The following GSK3B variants were observed in gnomAD, a reference collection of about 807,000 sequenced individuals.
The protein encoded by GSK3B is glycogen synthase kinase-3 beta.
In GSK3B, 15 loss-of-function variants were observed where a neutral mutation model predicts 56.4. The ratio of observed to expected loss-of-function variants is 0.27; its 90% CI spans 0.18 to 0.41. GSK3B has a LOEUF of 0.41. Ranked by LOEUF, GSK3B falls within the 10% of genes least tolerant of loss-of-function variation. The pLI is 1.00. For missense variants in GSK3B, 300 were observed against 513.4 expected (o/e 0.58, Z 4.02); for synonymous variants, 181 against 188.9 (o/e 0.96, Z 0.34).
At chr3:120,015,130 T>G (rs2057812424) in intron 1 of GSK3B, among the ~76,000 whole-genome samples, 1 of 152,242 alleles carries the variant, frequency 6.6e-6, no homozygotes, top group Non-Finnish European at 1.5e-5. Context: ...GACACTTGAA[T>G]AGCACAGGTT....
At chr3:119,879,107 T>A (rs560608324) in intron 7 of GSK3B, among the ~76,000 whole-genome samples, 1 of 152,218 alleles carries the variant, frequency 6.6e-6, no homozygotes, top group Non-Finnish European at 1.5e-5. Flanking sequence ...CACTCTGATA[T>A]AGGCATACAA....
At chr3:120,035,073 A>G (rs950284007) in intron 1 of GSK3B, among the ~76,000 whole-genome samples, 2 of 152,096 alleles carry the variant, frequency 1.3e-5, no homozygotes, top group Non-Finnish European at 2.9e-5. Flanking sequence ...AGCCTGGGCG[A>G]GAGAGTGAGA....
chr3:119,847,404 C>T (rs961938435), intron 9 of GSK3B, among the ~76,000 whole-genome samples: 3 of 152,104 alleles, frequency 2.0e-5, no homozygotes, highest in Non-Finnish European at 2.9e-5. Flanking sequence ...TGCTTGAACC[C>T]GCAAGGCAGA....
intron 1 of GSK3B, among the ~76,000 whole-genome samples, chr3:120,035,418 C>G (rs1449589917): frequency 1.3e-5 from 2 of 152,214 alleles, no homozygotes; most frequent in Non-Finnish European, 2.9e-5. Flanking sequence ...TTTGTTACTG[C>G]AACCCTCGGA....
chr3:120,089,761 C>T (rs1169826601), intron 1 of GSK3B, among the ~76,000 whole-genome samples: 5 of 151,980 alleles, frequency 3.3e-5, no homozygotes, highest in Admixed American at 1.3e-4. Flanking sequence ...ACAAACAGTC[C>T]CTTACTTTCC....
chr3:119,932,772 G>C (rs950478408), intron 3 of GSK3B, among the ~76,000 whole-genome samples: 3 of 152,090 alleles, frequency 2.0e-5, no homozygotes, highest in Non-Finnish European at 2.9e-5. Context: ...AACACAAATA[G>C]TACTTGGAAG....
At chr3:119,868,144 AAAAG>A (rs1468529510) in intron 8 of GSK3B, among the ~76,000 whole-genome samples, 2 of 152,112 alleles carry the variant, frequency 1.3e-5, no homozygotes, top group East Asian at 1.9e-4. Flanking sequence ...GAGGAAGGAA[AAAAG>A]AAAGAAAAGA....
At position 119,842,154 on chromosome 3, in the gene GSK3B, T is replaced by A. The variant is rs1247113132; in HGVS notation, c.1195+1101A>T. On this transcript the variant is annotated intron_variant, in intron 10 of 10. Coordinates refer to ENST00000264235, the MANE Select transcript of GSK3B (RefSeq NM_001146156.2). The stretch of plus-strand genomic sequence containing the variant: ...TATTATGTTTCTAACTTAAAACTTT[T>A]AAGTTTTAAAAGCATCCAGTCATTA... 2.0e-5 allele frequency among the ~76,000 whole-genome samples: 3 copies of A among 152,300 alleles called. No individual in the cohort carries two copies. The East Asian group carries it at 5.8e-4, about 29-fold the overall frequency.
chr3:120,004,569 A>G (rs1311502279), intron 1 of GSK3B, among the ~76,000 whole-genome samples: 3 of 152,206 alleles, frequency 2.0e-5, no homozygotes, highest in African/African-American at 7.2e-5. Flanking sequence ...AAGCATCCAG[A>G]GGAAGGATCA....
Position 119,853,536 on chromosome 3 carries a change from A to T in GSK3B, c.1096+9883T>A, listed in dbSNP as rs577202752. The stretch of plus-strand genomic sequence containing the variant: ...CAGTAGGGCCATTTTCACGACATTG[A>T]TTCCTCCTATCCATGAGCATGGAAT... On this transcript the variant is annotated intron_variant, in intron 9 of 10. Transcript: ENST00000264235. Among the ~76,000 whole-genome samples, 32 of 152,196 alleles carry T rather than the reference A, an allele frequency of 2.1e-4. No individual in the cohort carries two copies. In the South Asian group the frequency reaches 6.4e-3, roughly 31 times the overall value.
intron 2 of GSK3B, among the ~76,000 whole-genome samples, chr3:119,952,200 T>C (rs750574547): frequency 7.9e-5 from 12 of 152,034 alleles, no homozygotes; most frequent in African/African-American, 1.2e-4. Flanking sequence ...TGAAGATCAA[T>C]GAACCGGCCA....
At position 119,822,218 on chromosome 3, in the gene GSK3B, T is replaced by C. The variant is rs2055419845; in HGVS notation, c.*4570A>G. 1 of 180,844 alleles carries C rather than the reference T, an allele frequency of 5.5e-6. No individual in the cohort carries two copies. The highest frequency in any genetic ancestry group is 2.4e-5 in the African/African-American group (1 of 42,276). The allele number at this position is 180,844 out of a possible 1,614,324, so 11.2% of individuals were successfully genotyped here. A position where few individuals can be genotyped will look rare whatever the true frequency, so the allele number is the denominator to read the frequency against. ...GACAGATTTGCACAAGTGTTTGCAA[T>C]AGTTTGTATACAACCCACAGTCCTT... On this transcript the variant is annotated 3_prime_UTR_variant, in exon 11 of 11. Coordinates refer to ENST00000264235, the MANE Select transcript of GSK3B (RefSeq NM_001146156.2).
At chr3:120,002,753 T>C (rs1240836855) in intron 1 of GSK3B, among the ~76,000 whole-genome samples, 2 of 152,236 alleles carry the variant, frequency 1.3e-5, no homozygotes, top group African/African-American at 2.4e-5. Context: ...AGTCATTCTA[T>C]AGACCAGACA....
chr3:120,016,653 T>C (rs1250896503), intron 1 of GSK3B, among the ~76,000 whole-genome samples: 1 of 152,202 alleles, frequency 6.6e-6, no homozygotes, highest in Non-Finnish European at 1.5e-5. Flanking sequence ...CCACTCCAAT[T>C]TTTTCTTTGA....
intron 2 of GSK3B, among the ~76,000 whole-genome samples, chr3:119,980,358 A>AC (rs1041153750): frequency 6.8e-6 from 1 of 147,376 alleles, no homozygotes; most frequent in Non-Finnish European, 1.5e-5. Context: ...TGCTTGTGTC[A>AC]TTTTTTTTTT....
chr3:120,035,678 T>C lies in GSK3B; in HGVS notation c.89-33439A>G, dbSNP rs545557033. ...TTTCAACGATGTTTTGTAATTTCCA[T>C]ATTATACGTTTTATACTTCTGTTAA... On this transcript the variant is annotated intron_variant, in intron 1 of 10. Coordinates refer to ENST00000264235, the MANE Select transcript of GSK3B (RefSeq NM_001146156.2). Among the ~76,000 whole-genome samples the C allele has an allele frequency of 1.0e-3, 152 of 152,340 alleles. 1 individual carries two copies. The highest frequency in any genetic ancestry group is 3.6e-3 in the African/African-American group (148 of 41,586).
At chr3:120,063,520 AG>A (rs2058254891) in intron 1 of GSK3B, among the ~76,000 whole-genome samples, 1 of 150,396 alleles carries the variant, frequency 6.6e-6, no homozygotes, top group Non-Finnish European at 1.5e-5. Flanking sequence ...TGAGGTCAGG[AG>A]GTAGAGACCA....
At chr3:119,905,964 G>T (rs916118626) in intron 6 of GSK3B, 112 bp from the exon 7 acceptor site, 1 of 692,278 alleles carries the variant, frequency 1.4e-6, no homozygotes, top group Non-Finnish European at 2.6e-6. Context: ...CACAGGAAAA[G>T]ATTATACAAT....
chr3:119,977,993 G>C (rs573037521), intron 2 of GSK3B, among the ~76,000 whole-genome samples: 1 of 152,242 alleles, frequency 6.6e-6, no homozygotes, highest in South Asian at 2.1e-4. Context: ...TGCTGTATTA[G>C]TACCGTCCCC....
Sources: gnomAD v4.1 joint callset for allele counts (sites outside exome capture counted in the v4.1 genomes callset) on GRCh38, gnomAD v4.1.1 for gene constraint, MANE v1.5 for transcripts, NCBI Gene and HGNC (gene_info 2026-07-23, HGNC 2026-07-21) for gene names.